The following JHY variants were observed in gnomAD, a reference collection of about 807,000 sequenced individuals.
JHY encodes the protein junctional cadherin complex regulator, also known as jhy protein homolog.
Under a neutral mutation model 78.0 loss-of-function variants are expected in JHY, and 69 were observed. The ratio of observed to expected loss-of-function variants is 0.88; its 90% CI spans 0.73 to 1.08. The LOEUF (loss-of-function observed/expected upper bound fraction) is 1.08. Among genes scored for constraint, JHY ranks in the 50% least tolerant of loss-of-function variants. The pLI, the probability that JHY is intolerant of heterozygous loss-of-function variation, is 0.00. For missense variants in JHY, 944 were observed against 927.8 expected (o/e 1.02, Z -0.23); for synonymous variants, 368 against 342.6 (o/e 1.07, Z -0.82).
intron 6 of JHY, among the ~76,000 whole-genome samples, chr11:122,954,880 C>T (rs1232081433): frequency 2.0e-5 from 3 of 152,184 alleles, no homozygotes; most frequent in Non-Finnish European, 1.5e-5. Context: ...AACATATAGA[C>T]AGGGACTAAC....
intron 5 of JHY, among the ~76,000 whole-genome samples, chr11:122,940,294 T>C (rs146086799): frequency 3.5e-5 from 5 of 142,840 alleles, no homozygotes; most frequent in African/African-American, 1.3e-4. Context: ...GCTGAGATCC[T>C]GCCACTGCAC....
chr11:122,961,011 GA>G lies in JHY; in HGVS notation c.*1570del. The stretch of plus-strand genomic sequence containing the variant: ...GGTGCAGAGCATCTCTGCACAACAG[GA>G]AAAGGAGACAATTGCCAAGTGCATT... On this transcript the variant is annotated 3_prime_UTR_variant, in exon 9 of 9. Transcript: ENST00000227349. The G allele has an allele frequency of 9.9e-7, 1 of 1,008,968 alleles. No homozygotes were observed. The highest frequency in any genetic ancestry group is 1.6e-6 in the Non-Finnish European group (1 of 641,750). The allele number at this position is 1,008,968 out of a possible 1,614,324, so 62.5% of individuals were successfully genotyped here.
At chr11:122,928,549 C>T (rs4936762) in intron 4 of JHY, among the ~76,000 whole-genome samples, 34,282 of 144,474 alleles carry the variant, frequency 0.24, 4,457 homozygotes, top group Non-Finnish European at 0.3. Context: ...CCAAAAGATA[C>T]GGGGAAAAAA....
intron 3 of JHY, among the ~76,000 whole-genome samples, chr11:122,914,433 TG>T (rs988893468): frequency 6.6e-6 from 1 of 151,926 alleles, no homozygotes; most frequent in African/African-American, 2.4e-5. Context: ...TGTTTTGTTT[TG>T]TTTTTTTGTT....
chr11:122,960,639 A>G lies in JHY; in HGVS notation c.*1194A>G, dbSNP rs192778956. On this transcript the variant is annotated 3_prime_UTR_variant, in exon 9 of 9. Transcript: ENST00000227349. The stretch of plus-strand genomic sequence containing the variant: ...GATTACCCCAGAGACCTTTTCTACT[A>G]TATCAATAGTAGGGTTACTTGTCTA... The G allele has an allele frequency of 5.1e-5, 17 of 336,416 alleles. No homozygotes were observed. Among genetic ancestry groups the G allele is most frequent in the South Asian group, 3.3e-4 (10 of 30,394 alleles). 20.8% of individuals were successfully genotyped at this position (336,416 alleles called of 1,614,324 possible).
chr11:122,922,472 T>C (rs1863387754), intron 3 of JHY, among the ~76,000 whole-genome samples: 1 of 152,192 alleles, frequency 6.6e-6, no homozygotes, highest in Admixed American at 6.5e-5. Context: ...ATTTAACAAA[T>C]ATCTTACCTC....
At chr11:122,955,528 T>C (rs1014275265) in intron 6 of JHY, among the ~76,000 whole-genome samples, 5 of 152,202 alleles carry the variant, frequency 3.3e-5, no homozygotes, top group African/African-American at 1.2e-4. Context: ...ATTATTGTGC[T>C]CAGGTGCCAT....
At chr11:122,921,147 G>A (rs1863356139) in intron 3 of JHY, among the ~76,000 whole-genome samples, 1 of 152,084 alleles carries the variant, frequency 6.6e-6, no homozygotes, top group South Asian at 2.1e-4. Flanking sequence ...CAGCCACTGT[G>A]TTCTACCAAA....
At chr11:122,940,752 T>C (rs1362287084) in intron 5 of JHY, among the ~76,000 whole-genome samples, 5 of 152,214 alleles carry the variant, frequency 3.3e-5, no homozygotes, top group African/African-American at 9.6e-5. Flanking sequence ...ATGGTGATTT[T>C]GTAATTCTAT....
At chr11:122,889,747 G>A (rs1321402689) in intron 2 of JHY, among the ~76,000 whole-genome samples, 1 of 152,130 alleles carries the variant, frequency 6.6e-6, no homozygotes, top group Non-Finnish European at 1.5e-5. Flanking sequence ...GGTGGACTTT[G>A]GGATGTTCCC....
chr11:122,925,014 A>C lies in JHY; in HGVS notation c.978+4A>C. On this transcript the variant is annotated splice_donor_region_variant and intron_variant, in intron 4 of 8. Coordinates refer to ENST00000227349, the MANE Select transcript of JHY (RefSeq NM_024806.4). ...TCAAAGAGCACAACAGCTAAAGGTT[A>C]CCTGCTAGATTGCATTTTAAGTGTG... The C allele has an allele frequency of 6.3e-7, 1 of 1,599,682 alleles. No individual in the cohort carries two copies. Among genetic ancestry groups the C allele is most frequent in the Non-Finnish European group, 8.6e-7 (1 of 1,166,930 alleles).
intron 5 of JHY, among the ~76,000 whole-genome samples, chr11:122,944,240 A>G (rs963785475): frequency 6.6e-6 from 1 of 152,202 alleles, no homozygotes; most frequent in Non-Finnish European, 1.5e-5. Flanking sequence ...TTATTGTGGC[A>G]CTGATACCTT....
intron 2 of JHY, among the ~76,000 whole-genome samples, chr11:122,890,306 T>C (rs1302774176): frequency 1.3e-5 from 2 of 152,160 alleles, no homozygotes; most frequent in African/African-American, 4.8e-5. Flanking sequence ...TGATCCCATT[T>C]TGAAGGATGC....
chr11:122,926,088 T>C (rs1863492752), intron 4 of JHY, among the ~76,000 whole-genome samples: 1 of 147,350 alleles, frequency 6.8e-6, no homozygotes, highest in Non-Finnish European at 1.5e-5. Flanking sequence ...CTAGGGAAGC[T>C]GAGGCAGGAG....
intron 3 of JHY, among the ~76,000 whole-genome samples, chr11:122,918,910 G>A (rs1863292908): frequency 2.0e-5 from 3 of 146,532 alleles, no homozygotes; most frequent in Admixed American, 2.0e-4. Context: ...GCAGTTACCA[G>A]GGTGATACTT....
In JHY at chr11:122,957,428, A is replaced by G; in HGVS notation, c.2076A>G (p.Leu692=). 4 of 1,537,104 alleles carry G rather than the reference A, an allele frequency of 2.6e-6. No homozygotes were observed. Among genetic ancestry groups the G allele is most frequent in the Non-Finnish European group, 3.5e-6 (4 of 1,153,766 alleles). ...KQVKEYNMKT[L]SILSKPQTEK... ...TCAAGGAGTACAACATGAAGACACT[A>G]TCCATTCTATCAAAACCACAAACAG... is the stretch of plus-strand genomic sequence containing the variant. The change falls in exon 8 of 9, where the codon CTA becomes CTG. Residue 692 remains leucine (L), a synonymous_variant. Coordinates refer to ENST00000227349, the MANE Select transcript of JHY (RefSeq NM_024806.4).
rs1233431163 is a variant in JHY, at chr11:122,959,808, T to A, written c.*363T>A. The A allele has an allele frequency of 1.2e-5, 2 of 172,524 alleles. No individual in the cohort carries two copies. Among genetic ancestry groups the A allele is most frequent in the Non-Finnish European group, 2.4e-5 (2 of 82,088 alleles). The allele number at this position is 172,524 out of a possible 1,614,324, so 10.7% of individuals were successfully genotyped here. On this transcript the variant is annotated 3_prime_UTR_variant, in exon 9 of 9. Transcript: ENST00000227349. ...AGAAATAAATGTAGCTGTGTTTCTC[T>A]CTTACCTTCCTAGTAAGAAAAACAA...
chr11:122,904,072 C>T lies in JHY; in HGVS notation c.492C>T (p.Tyr164=). Residue 164 remains tyrosine (Y), a synonymous_variant, in exon 3 of 9, where the codon TAC becomes TAT. Transcript: ENST00000227349. ...AAAATCTGCCTTTGGCTCCCCTCTA[C>T]CCTTCCCAGGAGACGTCAATGGAAC... The part of the protein sequence containing the change: ...SLENLPLAPL[Y]PSQETSMELS... The T allele has an allele frequency of 1.2e-6, 2 of 1,614,172 alleles. No homozygotes were observed. Among genetic ancestry groups the T allele is most frequent in the Non-Finnish European group, 8.5e-7 (1 of 1,180,034 alleles).
At chr11:122,890,825 AG>A (rs1431430713) in intron 2 of JHY, among the ~76,000 whole-genome samples, 1 of 152,166 alleles carries the variant, frequency 6.6e-6, no homozygotes, top group African/African-American at 2.4e-5. Context: ...TGTAAATCCT[AG>A]GGTTAGAATA....
Sources: gnomAD v4.1 joint callset for allele counts (sites outside exome capture counted in the v4.1 genomes callset) on GRCh38, gnomAD v4.1.1 for gene constraint, MANE v1.5 for transcripts, NCBI Gene and HGNC (gene_info 2026-07-23, HGNC 2026-07-21) for gene names.